Variants in TMCC1 observed in about 807,000 individuals in gnomAD.
TMCC1 encodes transmembrane and coiled-coil domains protein 1.
In TMCC1, 15 loss-of-function variants were observed where a neutral mutation model predicts 52.4. The ratio of observed to expected loss-of-function variants is 0.29; its 90% CI spans 0.19 to 0.44. The LOEUF is 0.44. TMCC1 is among the 20% of genes least tolerant of loss of function. TMCC1 has a pLI of 1.00. For synonymous variants in TMCC1, 279 were observed against 301.9 expected, an observed-to-expected ratio of 0.92 and a Z score of 0.79; for missense variants, 503 against 806.0, an observed-to-expected ratio of 0.62 and a Z score of 4.55.
intron 4 of TMCC1, among the ~76,000 whole-genome samples, chr3:129,775,365 C>A (rs926583333): frequency 2.0e-5 from 3 of 151,946 alleles, no homozygotes; most frequent in Non-Finnish European, 4.4e-5. Context: ...TTGGGAGGAG[C>A]CTGAGGTGGG....
intron 4 of TMCC1, among the ~76,000 whole-genome samples, chr3:129,796,128 G>A (rs1341832887): frequency 1.3e-5 from 2 of 152,160 alleles, no homozygotes; most frequent in South Asian, 2.1e-4. Flanking sequence ...TTATAATACT[G>A]TATTTTTATT....
At chr3:129,782,537 A>G (rs2055618654) in intron 4 of TMCC1, among the ~76,000 whole-genome samples, 1 of 152,202 alleles carries the variant, frequency 6.6e-6, no homozygotes, top group African/African-American at 2.4e-5. Context: ...GACCAACAAC[A>G]GAACCAAAGT....
intron 4 of TMCC1, among the ~76,000 whole-genome samples, chr3:129,714,791 A>C (rs1398650147): frequency 6.6e-6 from 1 of 152,238 alleles, no homozygotes; most frequent in Non-Finnish European, 1.5e-5. Flanking sequence ...GTTTCCACTG[A>C]ACATAAAATA....
intron 4 of TMCC1, among the ~76,000 whole-genome samples, chr3:129,783,958 T>A (rs919663284): frequency 6.6e-6 from 1 of 152,230 alleles, no homozygotes; most frequent in Non-Finnish European, 1.5e-5. Context: ...AATATTTGCA[T>A]ATCTTTCTGA....
At chr3:129,876,286 C>CAAAAAAAAAAAA (rs61167884) in intron 2 of TMCC1, among the ~76,000 whole-genome samples, 1 of 90,980 alleles carries the variant, frequency 1.1e-5, no homozygotes. Context: ...ATGCCTGGCT[C>CAAAAAAAAAAAA]AAAAAAAAAA....
chr3:129,714,608 T>C (rs2048932034), intron 4 of TMCC1, among the ~76,000 whole-genome samples: 2 of 152,200 alleles, frequency 1.3e-5, no homozygotes, highest in Non-Finnish European at 2.9e-5. Flanking sequence ...GTTAGAACTT[T>C]TGGAGCCCAG....
intron 4 of TMCC1, among the ~76,000 whole-genome samples, chr3:129,687,725 C>T (rs181862409): frequency 1.7e-4 from 26 of 152,302 alleles, no homozygotes; most frequent in South Asian, 4.1e-4. Flanking sequence ...TACCCACCAA[C>T]GCACAGCTAT....
chr3:129,854,643 C>A (rs1270890159), intron 2 of TMCC1, among the ~76,000 whole-genome samples: 1 of 152,104 alleles, frequency 6.6e-6, no homozygotes. Flanking sequence ...ACCACAGGGC[C>A]TCTGCACTTG....
At chr3:129,685,570 A>T (rs2089340983) in intron 4 of TMCC1, among the ~76,000 whole-genome samples, 1 of 152,114 alleles carries the variant, frequency 6.6e-6, no homozygotes, top group Non-Finnish European at 1.5e-5. Flanking sequence ...GTGTAATAGC[A>T]CCTTCATGAT....
rs1263220679 is a variant in TMCC1 at position 129,844,882 on chromosome 3, A to G, written c.-183-12056T>C. Among the ~76,000 whole-genome samples the G allele has an allele frequency of 2.0e-5, 3 of 152,184 alleles. 1 individual carries two copies. The highest frequency in any genetic ancestry group is 4.4e-5 in the Non-Finnish European group (3 of 68,018). ...AAATATCCTGTTCCTTTTTGAAAAT[A>G]AAATTTAAAAGGTGAAAGAGGGAAA... On this transcript the variant is annotated intron_variant, in intron 2 of 6. Coordinates refer to ENST00000393238, the MANE Select transcript of TMCC1 (RefSeq NM_001017395.5).
rs570932785 is a variant in TMCC1, at chr3:129,721,605, A to G, written c.577-50341T>C. 2.2e-4 allele frequency among the ~76,000 whole-genome samples: 34 copies of G among 151,902 alleles called. No homozygotes were observed. The South Asian group carries it at 7.1e-3, about 32-fold the overall frequency. ...GCCGGGTGTAGTGGCTCATGTCTAT[A>G]ATCCCAGCACTTTGGGAGGCCGAGG... On this transcript the variant is annotated intron_variant, in intron 4 of 6. Coordinates refer to ENST00000393238, the MANE Select transcript of TMCC1 (RefSeq NM_001017395.5).
At chr3:129,757,400 G>A (rs890320567) in intron 4 of TMCC1, among the ~76,000 whole-genome samples, 2 of 152,016 alleles carry the variant, frequency 1.3e-5, no homozygotes, top group Non-Finnish European at 2.9e-5. Context: ...CATGCATTTT[G>A]GTTTAACTTT....
chr3:129,670,615 G>C lies in TMCC1; in HGVS notation c.1226C>G (p.Ser409Ter), dbSNP rs1487619592. The change falls in exon 5 of 7, where the codon TCA becomes TGA. Residue 409 changes from serine to a stop codon, truncating the protein, a stop_gained. Coordinates refer to ENST00000393238, the MANE Select transcript of TMCC1 (RefSeq NM_001017395.5). LOFTEE classifies it high-confidence loss of function. ...ATATTTTGGGCTAGACTGAAAGTTT[G>C]AAATCACTCCCAAAGCCTTCCCCGC... ...DDAGKALGVI[S>*]NFQSSPKYGS... 1 of 1,614,100 alleles carries C rather than the reference G, an allele frequency of 6.2e-7. No homozygotes were observed. Among genetic ancestry groups the C allele is most frequent in the African/African-American group, 1.3e-5 (1 of 74,950 alleles).
intron 4 of TMCC1, among the ~76,000 whole-genome samples, chr3:129,806,254 C>T (rs1168117761): frequency 6.6e-6 from 1 of 152,180 alleles, no homozygotes; most frequent in Non-Finnish European, 1.5e-5. Context: ...CATAAACCTA[C>T]ACAGGCAGAG....
chr3:129,869,113 G>C (rs2060795647), intron 2 of TMCC1: 1 of 152,034 alleles, frequency 6.6e-6, no homozygotes, highest in Admixed American at 6.6e-5. Context: ...GATAGGGCTG[G>C]TTGCCAGGGG....
intron 2 of TMCC1, among the ~76,000 whole-genome samples, chr3:129,860,598 A>G (rs938569461): frequency 6.6e-6 from 1 of 151,392 alleles, no homozygotes; most frequent in Non-Finnish European, 1.5e-5. Context: ...TAACAAACAC[A>G]TTATTATTTT....
intron 4 of TMCC1, among the ~76,000 whole-genome samples, chr3:129,698,351 G>C (rs190857266): frequency 8.3e-4 from 126 of 152,164 alleles, no homozygotes; most frequent in Middle Eastern, 3.4e-3. Flanking sequence ...ACAGCATGAG[G>C]GTAACTCCCT....
At chr3:129,809,355 T>C (rs2057670343) in intron 4 of TMCC1, among the ~76,000 whole-genome samples, 1 of 152,112 alleles carries the variant, frequency 6.6e-6, no homozygotes, top group South Asian at 2.1e-4. Context: ...AAGTAAAATG[T>C]TTCATACTCC....
chr3:129,834,816 G>T (rs1303890837), intron 2 of TMCC1, among the ~76,000 whole-genome samples: 3 of 152,164 alleles, frequency 2.0e-5, no homozygotes, highest in Non-Finnish European at 4.4e-5. Context: ...CTGATAAAAT[G>T]AGTATTTATA....
Sources: gnomAD v4.1 joint callset for allele counts (sites outside exome capture counted in the v4.1 genomes callset) on GRCh38, gnomAD v4.1.1 for gene constraint, MANE v1.5 for transcripts, NCBI Gene and HGNC (gene_info 2026-07-23, HGNC 2026-07-21) for gene names.